CNIH3: variants seen among roughly 807,000 people sequenced by gnomAD.
CNIH3 encodes cornichon family AMPA receptor auxiliary protein 3.
Under a neutral mutation model 24.1 loss-of-function variants are expected in CNIH3, and 14 were observed. The ratio of observed to expected loss-of-function variants is 0.58; its 90% CI spans 0.38 to 0.91. The LOEUF is 0.91. Among genes scored for constraint, CNIH3 ranks in the 40% least tolerant of loss-of-function variants. CNIH3 has a pLI of 0.00. For missense variants in CNIH3, 178 were observed against 196.8 expected (o/e 0.90, Z 0.57); for synonymous variants, 68 against 73.8 (o/e 0.92, Z 0.40).
intron 3 of CNIH3, among the ~76,000 whole-genome samples, chr1:224,716,559 CAT>C (rs1213353494): frequency 6.6e-6 from 1 of 152,028 alleles, no homozygotes; most frequent in Non-Finnish European, 1.5e-5. Context: ...GAGGGAGATG[CAT>C]GGAGGACAAG....
chr1:224,581,645 A>G (rs1051187003), intron 4 of CNIH3, among the ~76,000 whole-genome samples: 2 of 152,336 alleles, frequency 1.3e-5, no homozygotes, highest in South Asian at 4.1e-4. Context: ...GCTATTGCAT[A>G]TAGTTGGCAT....
intron 4 of CNIH3, chr1:224,574,604 G>A: frequency 2.5e-6 from 2 of 815,836 alleles, no homozygotes; most frequent in Non-Finnish European, 4.4e-6. Context: ...ACGTGGGGGT[G>A]GCCATTCGGG....
intron 1 of CNIH3, among the ~76,000 whole-genome samples, chr1:224,622,802 C>T (rs191380254): frequency 1.3e-5 from 2 of 152,386 alleles, no homozygotes; most frequent in East Asian, 3.9e-4. Context: ...ACTCTAGCCC[C>T]TCTGGCTACC....
At chr1:224,575,163 A>G (rs2125006054) in intron 4 of CNIH3, 2 of 1,034,780 alleles carry the variant, frequency 1.9e-6, no homozygotes, top group Non-Finnish European at 3.1e-6. Context: ...AGCCAAACAC[A>G]ATAAAACTAC....
intron 4 of CNIH3, among the ~76,000 whole-genome samples, chr1:224,579,925 T>G (rs940909532): frequency 1.3e-5 from 2 of 152,204 alleles, no homozygotes; most frequent in Admixed American, 1.3e-4. Context: ...ATACCCAGCC[T>G]TAGGTATTCC....
intron 3 of CNIH3, among the ~76,000 whole-genome samples, chr1:224,695,100 A>G (rs1687100016): frequency 6.6e-6 from 1 of 152,228 alleles, no homozygotes; most frequent in Non-Finnish European, 1.5e-5. Context: ...AATTTAAAAA[A>G]TAAATTGGAC....
At chr1:224,711,292 A>G (rs1482467463) in intron 3 of CNIH3, among the ~76,000 whole-genome samples, 1 of 151,490 alleles carries the variant, frequency 6.6e-6, no homozygotes, top group Non-Finnish European at 1.5e-5. Flanking sequence ...TACTGCAACC[A>G]ACTTAAGTTT....
intron 1 of CNIH3, among the ~76,000 whole-genome samples, chr1:224,646,189 C>T (rs1194571901): frequency 6.6e-6 from 1 of 152,184 alleles, no homozygotes; most frequent in Non-Finnish European, 1.5e-5. Context: ...TGATTGGAGA[C>T]ATCACAGAGA....
At chr1:224,682,944 G>T (rs914458015) in intron 2 of CNIH3, among the ~76,000 whole-genome samples, 2 of 152,208 alleles carry the variant, frequency 1.3e-5, no homozygotes, top group African/African-American at 4.8e-5. Flanking sequence ...GGTTGCAGGT[G>T]ATTGGTGAAA....
intron 1 of CNIH3, among the ~76,000 whole-genome samples, chr1:224,659,434 A>G (rs1003376776): frequency 6.6e-6 from 1 of 152,238 alleles, no homozygotes; most frequent in Non-Finnish European, 1.5e-5. Context: ...TCTGCTTCTT[A>G]GGCCAGTTAC....
intron 3 of CNIH3, among the ~76,000 whole-genome samples, chr1:224,561,522 C>T (rs1174284103): frequency 6.6e-6 from 1 of 152,178 alleles, no homozygotes; most frequent in East Asian, 1.9e-4. Flanking sequence ...GTCTGTCCCT[C>T]ATTGACATGT....
chr1:224,566,676 T>A (rs993258510), intron 4 of CNIH3, among the ~76,000 whole-genome samples: 2 of 152,242 alleles, frequency 1.3e-5, no homozygotes, highest in Non-Finnish European at 1.5e-5. Flanking sequence ...GCTTCATCCA[T>A]GTCCATGCAA....
chr1:224,453,546 T>C (rs910197990), intron 1 of CNIH3, among the ~76,000 whole-genome samples: 1 of 152,118 alleles, frequency 6.6e-6, no homozygotes, highest in Non-Finnish European at 1.5e-5. Context: ...TTGCAACTCT[T>C]ATGCTAAGTT....
At chr1:224,525,619 C>T (rs989734723) in intron 2 of CNIH3, among the ~76,000 whole-genome samples, 2 of 152,142 alleles carry the variant, frequency 1.3e-5, no homozygotes, top group African/African-American at 2.4e-5. Flanking sequence ...GGGGTGGAGG[C>T]AGTAGCTTTG....
At chr1:224,499,543 C>A (rs1386653900) in intron 1 of CNIH3, among the ~76,000 whole-genome samples, 1 of 152,204 alleles carries the variant, frequency 6.6e-6, no homozygotes, top group Non-Finnish European at 1.5e-5. Context: ...TGTGCCACCT[C>A]CCTCCTCAAC....
intron 3 of CNIH3, among the ~76,000 whole-genome samples, chr1:224,706,097 A>G (rs1162556777): frequency 2.0e-5 from 3 of 152,010 alleles, no homozygotes; most frequent in Non-Finnish European, 4.4e-5. Context: ...GTCCAACACC[A>G]GTGCCCGCAC....
intron 1 of CNIH3, among the ~76,000 whole-genome samples, chr1:224,503,069 G>A (rs1175239266): frequency 6.6e-6 from 1 of 152,048 alleles, no homozygotes; most frequent in East Asian, 1.9e-4. Flanking sequence ...GTGGGGGCAG[G>A]GGCGGAGGAA....
Position 224,616,945 on chromosome 1 carries a change from A to G in CNIH3, c.-230A>G, listed in dbSNP as rs555088147. ...GGTTCCCTCCAGCGACTCTCGACAC[A>G]CGTTTTCCTGTCTTCGCCGGAGGGC... is the stretch of plus-strand genomic sequence containing the variant. On this transcript the variant is annotated 5_prime_UTR_variant, in exon 1 of 6. Coordinates refer to ENST00000272133, the MANE Select transcript of CNIH3 (RefSeq NM_152495.2). The G allele has an allele frequency of 1.8e-4, 249 of 1,377,200 alleles. 1 individual carries two copies. The highest frequency in any genetic ancestry group is 1.7e-3 in the Middle Eastern group (6 of 3,574). 85.3% of individuals were successfully genotyped at this position (1,377,200 alleles called of 1,614,324 possible). A position where few individuals can be genotyped will look rare whatever the true frequency, so the allele number is the denominator to read the frequency against.
At chr1:224,634,685 T>A (rs1265309883) in intron 1 of CNIH3, among the ~76,000 whole-genome samples, 1 of 152,202 alleles carries the variant, frequency 6.6e-6, no homozygotes, top group Non-Finnish European at 1.5e-5. Context: ...CTTCCTTTCC[T>A]TTTCTTCTTA....
Sources: gnomAD v4.1 joint callset for allele counts (sites outside exome capture counted in the v4.1 genomes callset) on GRCh38, gnomAD v4.1.1 for gene constraint, MANE v1.5 for transcripts, NCBI Gene and HGNC (gene_info 2026-07-23, HGNC 2026-07-21) for gene names.